Variants in CFAP53 observed in about 807,000 individuals in gnomAD.
The protein encoded by CFAP53 is cilia and flagella associated protein 53.
A neutral mutation model predicts 59.7 loss-of-function variants in CFAP53; 62 were observed. That is an observed-to-expected ratio of 1.04 (90% CI 0.85 to 1.28). CFAP53 has a LOEUF of 1.28. CFAP53 is among the 50% of genes most tolerant of loss of function. The probability of loss-of-function intolerance (pLI) is 0.00; values close to 1 mark genes in which losing one functional copy is unlikely to be tolerated. For synonymous variants in CFAP53, 218 were observed against 205.7 expected, an observed-to-expected ratio of 1.06 and a Z score of -0.51; for missense variants, 629 against 615.6, an observed-to-expected ratio of 1.02 and a Z score of -0.23.
Position 50,266,351 on chromosome 18 carries a change from G to C in CFAP53, c.54C>G (p.Pro18=), listed in dbSNP as rs554227029. The change falls in exon 1 of 8, where the codon CCC becomes CCG. Residue 18 remains proline (P), a synonymous_variant. Coordinates refer to ENST00000398545, the MANE Select transcript of CFAP53 (RefSeq NM_145020.5). ...TVQREVKGPT[P]KVVIVRSKPP... ...CTGTGCTTACCACGATCACCACTTTGGGGGTGGGGCCCTTAACCTCCCGCT... is the reference window on the plus strand; with the variant it reads ...CTGTGCTTACCACGATCACCACTTTCGGGGTGGGGCCCTTAACCTCCCGCT... The C allele has an allele frequency of 1.1e-5, 17 of 1,614,198 alleles. No homozygotes were observed. Among genetic ancestry groups the C allele is most frequent in the Admixed American group, 1.7e-5 (1 of 60,028 alleles).
chr18:50,240,464 T>C (rs1650388743), intron 6 of CFAP53, among the ~76,000 whole-genome samples: 1 of 152,198 alleles, frequency 6.6e-6, no homozygotes, highest in South Asian at 2.1e-4. Flanking sequence ...AGTCCAATCC[T>C]AGCCAATAGC....
At chr18:50,254,410 A>G (rs971150790) in intron 3 of CFAP53, among the ~76,000 whole-genome samples, 2 of 152,064 alleles carry the variant, frequency 1.3e-5, no homozygotes, top group Non-Finnish European at 2.9e-5. Flanking sequence ...AATTAAGCCC[A>G]TGATGAGATA....
rs182182576 is a variant in CFAP53 at position 50,260,981 on chromosome 18, T to G, written c.473+83A>C. 2.9e-4 allele frequency: 401 copies of G among 1,386,148 alleles called. 2 individuals are homozygous for G. The East Asian group carries it at 6.7e-3, about 23-fold the overall frequency. The allele number at this position is 1,386,148 out of a possible 1,614,324, so 85.9% of individuals were successfully genotyped here. On this transcript the variant is annotated intron_variant, in intron 3 of 7. Transcript: ENST00000398545. The stretch of plus-strand genomic sequence containing the variant: ...ACTACTCTGTATATCCTCTTAAGAC[T>G]AATTTACTTTAAATTAGCATTCTTA...
At chr18:50,243,718 G>A (rs748471968) in intron 5 of CFAP53, among the ~76,000 whole-genome samples, 53 of 152,236 alleles carry the variant, frequency 3.5e-4, no homozygotes, top group Non-Finnish European at 6.2e-4. Context: ...TTGGGAGGCC[G>A]AGGCGGGTGG....
intron 6 of CFAP53, 126 bp from the exon 7 acceptor site, chr18:50,238,831 T>C (rs776280201): frequency 3.0e-5 from 19 of 640,648 alleles, no homozygotes; most frequent in Middle Eastern, 2.7e-4. Context: ...GGATCTTAGA[T>C]TGATAAAGTA....
chr18:50,252,728 G>A (rs921980455), intron 3 of CFAP53, among the ~76,000 whole-genome samples: 1 of 152,066 alleles, frequency 6.6e-6, no homozygotes, highest in Admixed American at 6.5e-5. Context: ...ACTATAGCTA[G>A]ATAGGATATC....
chr18:50,232,724 GAAT>G (rs1326006124), intron 7 of CFAP53, among the ~76,000 whole-genome samples: 1 of 152,216 alleles, frequency 6.6e-6, no homozygotes, highest in Non-Finnish European at 1.5e-5. Context: ...AAGTTGGGAA[GAAT>G]TTATCCCACA....
chr18:50,261,384 TTTTTTGTTTTTG>T lies in CFAP53; in HGVS notation c.300-159_300-148del, dbSNP rs553896243. ...CACAGAATAAGACTGGTTGGTTTGTTTTTTTGTTTTTGTTTTTGTTTTTGTTTTGAGACAGGA... is the reference window on the plus strand; with the variant it reads ...CACAGAATAAGACTGGTTGGTTTGTTTTTTTGTTTTTGTTTTGAGACAGGA... On this transcript the variant is annotated intron_variant, in intron 2 of 7. Coordinates refer to ENST00000398545, the MANE Select transcript of CFAP53 (RefSeq NM_145020.5). 90 of 991,154 alleles carry T rather than the reference TTTTTTGTTTTTG, an allele frequency of 9.1e-5. 1 individual carries two copies. The South Asian group carries it at 1.7e-3, about 19-fold the overall frequency. 61.4% of individuals were successfully genotyped at this position (991,154 alleles called of 1,614,324 possible).
chr18:50,251,632 C>T lies in CFAP53; in HGVS notation c.626G>A (p.Arg209Gln), dbSNP rs919163455. The change falls in exon 4 of 8, where the codon CGA (arginine) becomes CAA (glutamine). Residue 209 changes from arginine (R) to glutamine (Q), a missense_variant. Transcript: ENST00000398545. ...QMFSKLWEED[R>Q]LAKEKREAQE... ...GGCTTCTCGCTTTTCCTTGGCTAAT[C>T]GGTCTTCCTCCCAGAGTTTGGAGAA... The T allele has an allele frequency of 6.8e-6, 11 of 1,614,080 alleles. No homozygotes were observed. The highest frequency in any genetic ancestry group is 1.6e-4 in the Middle Eastern group (1 of 6,084).
intron 6 of CFAP53, 93 bp from the exon 7 acceptor site, chr18:50,238,798 A>C: frequency 1.2e-6 from 1 of 852,112 alleles, no homozygotes; most frequent in Non-Finnish European, 1.9e-6. Context: ...GTCTTTAGAA[A>C]GGCAGAGCTT....
chr18:50,249,584 A>G (rs941586498), intron 5 of CFAP53, among the ~76,000 whole-genome samples: 6 of 152,200 alleles, frequency 3.9e-5, no homozygotes, highest in Admixed American at 1.3e-4. Flanking sequence ...AAGTTGGACA[A>G]ATCTCCTGAG....
chr18:50,253,382 T>C (rs1229376582), intron 3 of CFAP53, among the ~76,000 whole-genome samples: 3 of 152,226 alleles, frequency 2.0e-5, no homozygotes, highest in African/African-American at 7.2e-5. Context: ...CTAATGATAA[T>C]AATCATTGAT....
In CFAP53 at chr18:50,260,971, CTCT is replaced by C. The variant is rs908185694; in HGVS notation, c.473+90_473+92del. 5 of 1,277,122 alleles carry C rather than the reference CTCT, an allele frequency of 3.9e-6. No homozygotes were observed. The African/African-American group carries it at 4.5e-5, about 12-fold the overall frequency. The allele number at this position is 1,277,122 out of a possible 1,614,324, so 79.1% of individuals were successfully genotyped here. A position where few individuals can be genotyped will look rare whatever the true frequency, so the allele number is the denominator to read the frequency against. The stretch of plus-strand genomic sequence containing the variant: ...TAAAGTTACAACTACTCTGTATATC[CTCT>C]TAAGACTAATTTACTTTAAATTAGC... On this transcript the variant is annotated intron_variant, in intron 3 of 7. Transcript: ENST00000398545.
chr18:50,249,029 G>C (rs8094887), intron 5 of CFAP53, among the ~76,000 whole-genome samples: 99,721 of 150,876 alleles, frequency 0.66, 33,464 homozygotes, highest in East Asian at 0.79. Flanking sequence ...GTGGCGAAAC[G>C]CTGTCTCTAC....
chr18:50,239,190 C>T (rs1051309106), intron 6 of CFAP53, among the ~76,000 whole-genome samples: 2 of 151,648 alleles, frequency 1.3e-5, no homozygotes, highest in East Asian at 3.9e-4. Flanking sequence ...GAGTTCGAGA[C>T]CAGCCCGGCC....
At chr18:50,264,251 T>C (rs1283528607) in intron 1 of CFAP53, among the ~76,000 whole-genome samples, 1 of 152,192 alleles carries the variant, frequency 6.6e-6, no homozygotes, top group African/African-American at 2.4e-5. Flanking sequence ...ACAGGATATT[T>C]TACTAACTAC....
chr18:50,253,145 T>G (rs2033817199), intron 3 of CFAP53, among the ~76,000 whole-genome samples: 1 of 151,308 alleles, frequency 6.6e-6, no homozygotes. Flanking sequence ...GCCTCCGGAG[T>G]AGCTGGGACC....
At chr18:50,232,057 A>C (rs1372799693) in intron 7 of CFAP53, among the ~76,000 whole-genome samples, 2 of 152,174 alleles carry the variant, frequency 1.3e-5, no homozygotes, top group Non-Finnish European at 2.9e-5. Flanking sequence ...CCCCTTTAGA[A>C]AGTGCACCCC....
At chr18:50,242,712 T>C (rs1790423) in intron 6 of CFAP53, among the ~76,000 whole-genome samples, 188 bp downstream of exon 6, 49,828 of 152,052 alleles carry the variant, frequency 0.33, 8,546 homozygotes, top group African/African-American at 0.43. Context: ...CCGTGACTGA[T>C]TGGAATCTGC....
Sources: allele counts gnomAD v4.1 joint callset (sites outside exome capture counted in the v4.1 genomes callset), GRCh38; gene constraint gnomAD v4.1.1; transcripts MANE v1.5; gene names NCBI Gene and HGNC (gene_info 2026-07-23, HGNC 2026-07-21).